Variants in ACTG2 observed in about 807,000 individuals in gnomAD.
ACTG2 encodes actin, gamma-enteric smooth muscle.
A neutral mutation model predicts 37.6 loss-of-function variants in ACTG2; 16 were observed. That is an observed-to-expected ratio of 0.43 (90% confidence interval 0.29 to 0.65). The LOEUF is 0.65. Among genes scored for constraint, ACTG2 ranks in the 30% least tolerant of loss-of-function variants. ACTG2 has a pLI of 0.18. For synonymous variants in ACTG2, 181 were observed against 179.9 expected (o/e 1.01, Z -0.05); for missense variants, 238 against 490.9 (o/e 0.48, Z 4.87).
intron 1 of ACTG2, among the ~76,000 whole-genome samples, chr2:73,898,953 C>T (rs1038497972): frequency 6.6e-6 from 1 of 151,794 alleles, no homozygotes; most frequent in African/African-American, 2.4e-5. Context: ...CAGGCGCCCG[C>T]CACCATGCCT....
intron 3 of ACTG2, among the ~76,000 whole-genome samples, chr2:73,906,222 C>T (rs1242041838): frequency 1.6e-4 from 25 of 151,592 alleles, no homozygotes; most frequent in African/African-American, 5.6e-4. Flanking sequence ...GAGGCGGAGG[C>T]GGGTGGATCA....
At chr2:73,904,679 A>G (rs973382145) in intron 3 of ACTG2, among the ~76,000 whole-genome samples, 9 of 150,162 alleles carry the variant, frequency 6.0e-5, no homozygotes, top group African/African-American at 2.2e-4. Flanking sequence ...AAAAATGTAT[A>G]TATGTATAAA....
intron 3 of ACTG2, among the ~76,000 whole-genome samples, chr2:73,903,730 A>T (rs1679940846): frequency 6.6e-6 from 1 of 151,998 alleles, no homozygotes; most frequent in Non-Finnish European, 1.5e-5. Flanking sequence ...TCACAAAATC[A>T]GGAGCTTGAG....
At chr2:73,900,275 G>A (rs965045336) in intron 1 of ACTG2, among the ~76,000 whole-genome samples, 5 of 152,198 alleles carry the variant, frequency 3.3e-5, no homozygotes, top group African/African-American at 9.7e-5. Flanking sequence ...GGTCCTCCCA[G>A]GGTAGGAGGC....
chr2:73,894,859 A>G (rs988627892), intron 1 of ACTG2, among the ~76,000 whole-genome samples: 18 of 152,164 alleles, frequency 1.2e-4, no homozygotes, highest in African/African-American at 4.3e-4. Context: ...GCTGGATTAC[A>G]AGGGCTTTAG....
At chr2:73,902,819 C>T in intron 3 of ACTG2, 1 of 1,505,960 alleles carries the variant, frequency 6.6e-7, no homozygotes, top group Non-Finnish European at 8.9e-7. Context: ...TCTTCATTAA[C>T]CAACAGGGGG....
intron 7 of ACTG2, among the ~76,000 whole-genome samples, chr2:73,915,807 T>C (rs1053391930): frequency 5.9e-5 from 9 of 152,118 alleles, no homozygotes; most frequent in South Asian, 2.1e-4. Context: ...TATGATTCCA[T>C]TGACAAGAAA....
chr2:73,899,527 AC>A (rs1348132535), intron 1 of ACTG2, among the ~76,000 whole-genome samples: 1 of 151,918 alleles, frequency 6.6e-6, no homozygotes, highest in Non-Finnish European at 1.5e-5. Flanking sequence ...ATCTTCTTGG[AC>A]TTTTATTCTT....
chr2:73,907,192 T>G lies in ACTG2; in HGVS notation c.256-1481T>G, dbSNP rs1335226428. 3.3e-5 allele frequency among the ~76,000 whole-genome samples: 5 copies of G among 152,184 alleles called. No individual in the cohort carries two copies. The East Asian group carries it at 9.6e-4, about 29-fold the overall frequency. On this transcript the variant is annotated intron_variant, in intron 3 of 8. Coordinates refer to ENST00000345517, the MANE Select transcript of ACTG2 (RefSeq NM_001615.4). Reference sequence around the variant, plus strand: ...GTGTTTTTCTTTTTGTTTGTTTTGGTCTTTTTTAAACGTCTCTCTCCCCTC... The same window carrying G: ...GTGTTTTTCTTTTTGTTTGTTTTGGGCTTTTTTAAACGTCTCTCTCCCCTC...
intron 3 of ACTG2, 70 bp from the exon 4 acceptor site, chr2:73,908,603 T>G: frequency 5.6e-5 from 72 of 1,294,010 alleles, no homozygotes; most frequent in Middle Eastern, 2.2e-4. Context: ...TCTCCCAGCA[T>G]GGGAATGTCA....
At position 73,913,600 on chromosome 2, in the gene ACTG2, C is replaced by T; in HGVS notation, c.567C>T (p.Tyr189=). ...LDLAGRDLTD[Y]LMKILTERGY... Reference sequence around the variant, plus strand: ...TGGCTGGCCGTGACCTCACGGACTACCTCATGAAGATCCTCACAGAGAGAG... The same window carrying T: ...TGGCTGGCCGTGACCTCACGGACTATCTCATGAAGATCCTCACAGAGAGAG... Residue 189 remains tyrosine (Y), a synonymous_variant, in exon 6 of 9, where the codon TAC becomes TAT. Coordinates refer to ENST00000345517, the MANE Select transcript of ACTG2 (RefSeq NM_001615.4). 6.2e-7 allele frequency: 1 copy of T among 1,613,856 alleles called. No homozygotes were observed. Among genetic ancestry groups the T allele is most frequent in the Non-Finnish European group, 8.5e-7 (1 of 1,179,870 alleles).
At chr2:73,907,031 C>G (rs1410415539) in intron 3 of ACTG2, among the ~76,000 whole-genome samples, 2 of 152,186 alleles carry the variant, frequency 1.3e-5, no homozygotes, top group Non-Finnish European at 2.9e-5. Context: ...AGTCCAGGGC[C>G]TCTGCCTGTG....
chr2:73,906,415 T>C (rs992801598), intron 3 of ACTG2, among the ~76,000 whole-genome samples: 5 of 151,864 alleles, frequency 3.3e-5, no homozygotes, highest in Admixed American at 6.6e-5. Context: ...GGCGCCACTG[T>C]ACTCCAGCCT....
intron 1 of ACTG2, chr2:73,897,261 G>C (rs1266899702): frequency 1.3e-5 from 2 of 152,320 alleles, no homozygotes; most frequent in Non-Finnish European, 2.9e-5. Context: ...ACACCGGAGA[G>C]AGTTTGGGGA....
chr2:73,901,398 G>A lies in ACTG2; in HGVS notation c.87G>A (p.Arg29=), dbSNP rs1177279569. ...GCTTCGCAGGAGATGATGCCCCCCG[G>A]GCTGTCTTCCCCTCCATTGTGGGCC... ...KAGFAGDDAP[R]AVFPSIVGRP... Residue 29 remains arginine, a synonymous_variant, in exon 2 of 9, where the codon CGG becomes CGA. Transcript: ENST00000345517. 6.2e-7 allele frequency: 1 copy of A among 1,614,188 alleles called. No homozygotes were observed. Among genetic ancestry groups the A allele is most frequent in the Non-Finnish European group, 8.5e-7 (1 of 1,180,026 alleles).
In ACTG2 at chr2:73,918,626, A is replaced by T. The variant is rs148336589; in HGVS notation, c.988-806A>T. Among the ~76,000 whole-genome samples, 272 of 152,354 alleles carry T rather than the reference A, an allele frequency of 1.8e-3. 1 individual carries two copies. Among genetic ancestry groups the T allele is most frequent in the African/African-American group, 6.4e-3 (266 of 41,594 alleles). On this transcript the variant is annotated intron_variant, in intron 8 of 8. Coordinates refer to ENST00000345517, the MANE Select transcript of ACTG2 (RefSeq NM_001615.4). The stretch of plus-strand genomic sequence containing the variant: ...TCATAGTCCTTCTGGATCCCCTTTG[A>T]AGTAGAGTTCAAAGTTGTTTGACCT...
chr2:73,916,776 C>G lies in ACTG2; in HGVS notation c.987+11C>G, dbSNP rs1324017502. The stretch of plus-strand genomic sequence containing the variant: ...ACCATGAAGATCAAGGTGGGTCTTG[C>G]CTCAGTTGTCTCCATCCTGTTCTTT... On this transcript the variant is annotated intron_variant, in intron 8 of 8. Coordinates refer to ENST00000345517, the MANE Select transcript of ACTG2 (RefSeq NM_001615.4). 1 of 1,611,862 alleles carries G rather than the reference C, an allele frequency of 6.2e-7. No individual in the cohort carries two copies.
chr2:73,898,802 CTTTTTTTTTTTTTT>C (rs1165118275), intron 1 of ACTG2, among the ~76,000 whole-genome samples: 2 of 93,016 alleles, frequency 2.2e-5, no homozygotes, highest in Non-Finnish European at 4.9e-5. Flanking sequence ...TTTTTTTTTT[CTTTTTTTTTTTTTT>C]TTTTGAGATG....
At chr2:73,895,726 A>G (rs558897297) in intron 1 of ACTG2, among the ~76,000 whole-genome samples, 38 of 152,376 alleles carry the variant, frequency 2.5e-4, no homozygotes, top group Admixed American at 1.4e-3. Flanking sequence ...TCCTTTCAAT[A>G]TGACAGGCTT....
Sources: allele counts gnomAD v4.1 joint callset (sites outside exome capture counted in the v4.1 genomes callset), GRCh38; gene constraint gnomAD v4.1.1; transcripts MANE v1.5; gene names NCBI Gene and HGNC (gene_info 2026-07-23, HGNC 2026-07-21).